The following LRRTM4 variants were observed in gnomAD, a reference collection of about 807,000 sequenced individuals.
LRRTM4 encodes leucine-rich repeat transmembrane neuronal protein 4.
In LRRTM4, 25 loss-of-function variants were observed where a neutral mutation model predicts 47.6. The observed-to-expected ratio is 0.53, with a 90% confidence interval of 0.38 to 0.73. The LOEUF (loss-of-function observed/expected upper bound fraction) is 0.73, where lower values mean the gene tolerates loss of function less well. Ranked by LOEUF, LRRTM4 falls within the 30% of genes least tolerant of loss-of-function variation. LRRTM4 has a pLI of 0.00. For missense variants in LRRTM4, 638 were observed against 713.4 expected (o/e 0.89, Z 1.20); for synonymous variants, 311 against 269.5 (o/e 1.15, Z -1.51).
chr2:77,285,169 T>C (rs1676615302), intron 3 of LRRTM4, among the ~76,000 whole-genome samples: 1 of 151,670 alleles, frequency 6.6e-6, no homozygotes, highest in South Asian at 2.1e-4. Flanking sequence ...TTCATTTTCT[T>C]GCAATAGAAA....
At chr2:76,840,027 C>G (rs1388885016) in intron 3 of LRRTM4, among the ~76,000 whole-genome samples, 1 of 152,086 alleles carries the variant, frequency 6.6e-6, no homozygotes, top group African/African-American at 2.4e-5. Flanking sequence ...CCCCTGCTGC[C>G]TAAATACTGT....
At chr2:77,361,508 T>A (rs1479457951) in intron 3 of LRRTM4, among the ~76,000 whole-genome samples, 2 of 152,152 alleles carry the variant, frequency 1.3e-5, no homozygotes, top group Non-Finnish European at 2.9e-5. Context: ...ATCTCATCCT[T>A]AAAAAAACTG....
intron 3 of LRRTM4, among the ~76,000 whole-genome samples, chr2:77,351,390 T>C (rs750229545): frequency 1.6e-4 from 25 of 151,918 alleles, no homozygotes; most frequent in Non-Finnish European, 3.1e-4. Context: ...GTAAGTGTAA[T>C]GATGTTTATT....
intron 3 of LRRTM4, among the ~76,000 whole-genome samples, chr2:77,414,811 C>T (rs1674577395): frequency 2.0e-5 from 3 of 150,690 alleles, no homozygotes; most frequent in African/African-American, 7.3e-5. Flanking sequence ...CATCTTCCCT[C>T]GCACACAATA....
intron 3 of LRRTM4, among the ~76,000 whole-genome samples, chr2:77,170,267 C>G (rs1382519501): frequency 6.6e-6 from 1 of 152,118 alleles, no homozygotes; most frequent in Non-Finnish European, 1.5e-5. Flanking sequence ...CTCAACCTAA[C>G]CTTTCTAGCT....
chr2:76,856,193 C>G (rs2103990765), intron 3 of LRRTM4, among the ~76,000 whole-genome samples: 1 of 152,200 alleles, frequency 6.6e-6, no homozygotes, highest in Non-Finnish European at 1.5e-5. Context: ...AAGAGAATCC[C>G]TTGAACCCAG....
chr2:77,295,504 A>G (rs950901486), intron 3 of LRRTM4, among the ~76,000 whole-genome samples: 2 of 152,198 alleles, frequency 1.3e-5, no homozygotes, highest in Admixed American at 1.3e-4. Flanking sequence ...GCTATATTTG[A>G]CTGTATGACA....
intron 3 of LRRTM4, among the ~76,000 whole-genome samples, chr2:77,018,259 C>CTTTTTTTTTTTATTTTTTTT (rs1678142552): frequency 1.3e-5 from 1 of 75,036 alleles, no homozygotes; most frequent in African/African-American, 5.2e-5. Context: ...CTCTTGATTG[C>CTTTTTTTTTTTATTTTTTTT]TTTTTTTTTT....
At chr2:77,401,353 T>A (rs1296988356) in intron 3 of LRRTM4, among the ~76,000 whole-genome samples, 2 of 152,002 alleles carry the variant, frequency 1.3e-5, no homozygotes, top group Admixed American at 6.6e-5. Flanking sequence ...GTAATCCAAC[T>A]CCTTGGTGAA....
At chr2:77,103,028 G>A (rs1474573475) in intron 3 of LRRTM4, among the ~76,000 whole-genome samples, 7 of 151,990 alleles carry the variant, frequency 4.6e-5, no homozygotes, top group Admixed American at 3.9e-4. Context: ...GAGATTGAAG[G>A]GCAAATATGA....
At chr2:77,271,791 A>G (rs1302424539) in intron 3 of LRRTM4, among the ~76,000 whole-genome samples, 1 of 152,174 alleles carries the variant, frequency 6.6e-6, no homozygotes, top group Non-Finnish European at 1.5e-5. Context: ...CCTTATCAGA[A>G]GATTAAATTT....
chr2:76,770,391 C>A (rs766382937), intron 3 of LRRTM4, among the ~76,000 whole-genome samples: 5 of 152,094 alleles, frequency 3.3e-5, no homozygotes, highest in Non-Finnish European at 5.9e-5. Flanking sequence ...TTTTTACTTT[C>A]CAAAAATTGT....
chr2:76,802,214 C>T (rs1370488094), intron 3 of LRRTM4, among the ~76,000 whole-genome samples: 1 of 134,278 alleles, frequency 7.4e-6, no homozygotes, highest in Non-Finnish European at 1.6e-5. Flanking sequence ...ATCTTATATA[C>T]AAAAAATCCT....
chr2:77,032,130 C>T (rs754953210), intron 3 of LRRTM4, among the ~76,000 whole-genome samples: 4 of 152,096 alleles, frequency 2.6e-5, no homozygotes, highest in Non-Finnish European at 4.4e-5. Context: ...TCTATCCTTG[C>T]GCTTTCCACC....
chr2:76,848,254 A>G (rs1195788625), intron 3 of LRRTM4, among the ~76,000 whole-genome samples: 1 of 152,144 alleles, frequency 6.6e-6, no homozygotes, highest in African/African-American at 2.4e-5. Context: ...AACATACTAA[A>G]CACTGTAATT....
intron 3 of LRRTM4, chr2:76,987,562 ATAATC>A (rs1290672365): frequency 1.3e-5 from 2 of 151,974 alleles, no homozygotes; most frequent in African/African-American, 4.8e-5. Context: ...GTTGCTTACA[ATAATC>A]TAAGTAATGA....
At chr2:77,455,002 A>G (rs1676467746) in intron 3 of LRRTM4, among the ~76,000 whole-genome samples, 1 of 152,168 alleles carries the variant, frequency 6.6e-6, no homozygotes, top group Non-Finnish European at 1.5e-5. Flanking sequence ...AGCCTGGCCA[A>G]CATGGTGAAA....
chr2:76,791,635 T>A (rs75563059), intron 3 of LRRTM4, among the ~76,000 whole-genome samples: 3 of 152,154 alleles, frequency 2.0e-5, no homozygotes, highest in African/African-American at 7.2e-5. Context: ...TACACAAAAC[T>A]TTCTTAAGCT....
chr2:76,863,265 GTT>G, intron 3 of LRRTM4, among the ~76,000 whole-genome samples: 1 of 152,134 alleles, frequency 6.6e-6, no homozygotes, highest in East Asian at 1.9e-4. Context: ...ACTTATGACT[GTT>G]TTGAAATTTG....
Sources: gnomAD v4.1 joint callset for allele counts (sites outside exome capture counted in the v4.1 genomes callset) on GRCh38, gnomAD v4.1.1 for gene constraint, MANE v1.5 for transcripts, NCBI Gene and HGNC (gene_info 2026-07-23, HGNC 2026-07-21) for gene names.